Variants in SPIRE1 observed in about 807,000 individuals in gnomAD.
The protein encoded by SPIRE1 is spire type actin nucleation factor 1, also known as protein spire homolog 1.
Under a neutral mutation model 94.1 loss-of-function variants are expected in SPIRE1, and 40 were observed. The ratio of observed to expected loss-of-function variants is 0.43; its 90% CI spans 0.33 to 0.55. The LOEUF is 0.55. Ranked by LOEUF, SPIRE1 falls within the 20% of genes least tolerant of loss-of-function variation. SPIRE1 has a pLI of 0.06. For missense variants in SPIRE1, 838 were observed against 975.2 expected (o/e 0.86, Z 1.87); for synonymous variants, 376 against 371.7 (o/e 1.01, Z -0.13).
chr18:12,520,149 A>G (rs1024195519), intron 4 of SPIRE1, among the ~76,000 whole-genome samples: 2 of 152,214 alleles, frequency 1.3e-5, no homozygotes, highest in African/African-American at 4.8e-5. Context: ...ACATATAATT[A>G]AATAAAAAAG....
chr18:12,617,535 C>T (rs925663676), intron 2 of SPIRE1, among the ~76,000 whole-genome samples: 5 of 152,054 alleles, frequency 3.3e-5, no homozygotes, highest in Non-Finnish European at 5.9e-5. Context: ...CTCAGCCTCC[C>T]GAGTAGCTGG....
intron 11 of SPIRE1, 54 bp downstream of exon 11, chr18:12,464,814 G>C: frequency 2.7e-6 from 4 of 1,461,528 alleles, no homozygotes; most frequent in South Asian, 1.1e-5. Context: ...TCTAGGTCAA[G>C]TGTGTTTTGT....
At chr18:12,585,787 T>C (rs975785386) in intron 2 of SPIRE1, among the ~76,000 whole-genome samples, 1 of 152,204 alleles carries the variant, frequency 6.6e-6, no homozygotes, top group African/African-American at 2.4e-5. Flanking sequence ...AAAGAAAATA[T>C]GTAAATAATA....
intron 10 of SPIRE1, among the ~76,000 whole-genome samples, chr18:12,478,539 AG>A (rs375683172): frequency 0.022 from 2,520 of 113,682 alleles, 35 homozygotes; most frequent in Admixed American, 0.047. Context: ...GTGTGTAGCT[AG>A]GGTGTGTGTG....
At position 12,635,057 on chromosome 18, in the gene SPIRE1, CT is replaced by C; in HGVS notation, c.372+4del. The C allele has an allele frequency of 6.9e-7, 1 of 1,446,088 alleles. No homozygotes were observed. Among genetic ancestry groups the C allele is most frequent in the Non-Finnish European group, 9.5e-7 (1 of 1,054,482 alleles). 89.6% of individuals were successfully genotyped at this position (1,446,088 alleles called of 1,614,324 possible). On this transcript the variant is annotated splice_donor_region_variant and intron_variant, in intron 2 of 16. Coordinates refer to ENST00000409402, the MANE Select transcript of SPIRE1 (RefSeq NM_001128626.2). ...TACTAAGAAATATTTGAGTATTTCACTTACCTCTGTTTCCATACATTGTGAA... is the reference window on the plus strand; with the variant it reads ...TACTAAGAAATATTTGAGTATTTCACTACCTCTGTTTCCATACATTGTGAA...
intron 2 of SPIRE1, among the ~76,000 whole-genome samples, chr18:12,551,748 C>A (rs550748538): frequency 1.6e-4 from 24 of 151,700 alleles, no homozygotes; most frequent in African/African-American, 5.8e-4. Context: ...AGCAAGAGAG[C>A]TGAATAGACA....
At chr18:12,570,060 T>C (rs1413367792) in intron 2 of SPIRE1, among the ~76,000 whole-genome samples, 1 of 152,172 alleles carries the variant, frequency 6.6e-6, no homozygotes, top group Non-Finnish European at 1.5e-5. Flanking sequence ...CTAACACCAA[T>C]GCTTCATGCA....
intron 2 of SPIRE1, among the ~76,000 whole-genome samples, chr18:12,622,321 A>C (rs116196145): frequency 3.3e-5 from 5 of 152,332 alleles, no homozygotes; most frequent in Non-Finnish European, 7.3e-5. Context: ...AAAACAGCAG[A>C]TGAACAATAC....
intron 5 of SPIRE1, among the ~76,000 whole-genome samples, chr18:12,510,985 C>A (rs1940626443): frequency 6.6e-6 from 1 of 152,146 alleles, no homozygotes; most frequent in Non-Finnish European, 1.5e-5. Flanking sequence ...TGTAGATATT[C>A]ATGTGTCACA....
chr18:12,623,983 G>A (rs1422103064), intron 2 of SPIRE1, among the ~76,000 whole-genome samples: 1 of 150,572 alleles, frequency 6.6e-6, no homozygotes, highest in East Asian at 2.0e-4. Flanking sequence ...GTGCGCCCTG[G>A]AGTGGTCTCG....
At chr18:12,639,759 A>T (rs938473500) in intron 1 of SPIRE1, among the ~76,000 whole-genome samples, 14 of 150,252 alleles carry the variant, frequency 9.3e-5, no homozygotes, top group East Asian at 3.9e-4. Flanking sequence ...AAATAAAAAT[A>T]AAAAAAAGAA....
intron 1 of SPIRE1, among the ~76,000 whole-genome samples, chr18:12,639,708 G>T (rs928456529): frequency 4.6e-5 from 7 of 151,624 alleles, no homozygotes; most frequent in African/African-American, 1.5e-4. Context: ...TTCCAGCCTG[G>T]GCGCAAGAAT....
chr18:12,457,212 T>C (rs1227216819), intron 12 of SPIRE1, among the ~76,000 whole-genome samples: 2 of 152,216 alleles, frequency 1.3e-5, no homozygotes, highest in Non-Finnish European at 2.9e-5. Context: ...GATTACCCTT[T>C]AGTGAAATAA....
At chr18:12,577,417 G>C (rs1376736112) in intron 2 of SPIRE1, among the ~76,000 whole-genome samples, 1 of 152,062 alleles carries the variant, frequency 6.6e-6, no homozygotes, top group East Asian at 1.9e-4. Flanking sequence ...AAAGTGCTGT[G>C]ATTACAGGCA....
intron 4 of SPIRE1, among the ~76,000 whole-genome samples, chr18:12,528,268 G>A (rs887163084): frequency 6.6e-6 from 1 of 152,136 alleles, no homozygotes; most frequent in Admixed American, 6.5e-5. Flanking sequence ...TTGCCCTTAA[G>A]AAGTTCACAG....
At chr18:12,549,439 G>GTTTTTTTTTTTTTTTTTTTTTTTTTTTTT (rs869122444) in intron 2 of SPIRE1, among the ~76,000 whole-genome samples, 5 of 41,256 alleles carry the variant, frequency 1.2e-4, no homozygotes, top group Non-Finnish European at 1.5e-4. Context: ...TGTTATTGTT[G>GTTTTTTTTTTTTTTTTTTTTTTTTTTTTT]TTTTTTTTTT....
intron 11 of SPIRE1, 26 bp from the exon 12 acceptor site, chr18:12,463,519 A>T: frequency 6.3e-7 from 1 of 1,585,118 alleles, no homozygotes; most frequent in South Asian, 1.1e-5. Context: ...AATGAAATAA[A>T]ACTTACTGTG....
At chr18:12,635,885 G>GT (rs2037910155) in intron 1 of SPIRE1, among the ~76,000 whole-genome samples, 15 of 150,808 alleles carry the variant, frequency 9.9e-5, no homozygotes, top group African/African-American at 2.9e-4. Context: ...GGGTTTTTTT[G>GT]GTTTTTTTTG....
intron 8 of SPIRE1, among the ~76,000 whole-genome samples, chr18:12,492,821 T>A (rs2033284737): frequency 1.3e-5 from 2 of 152,148 alleles, no homozygotes. Context: ...CGGCACGATG[T>A]TCTCATATAG....
Sources: gnomAD v4.1 joint callset for allele counts (sites outside exome capture counted in the v4.1 genomes callset) on GRCh38, gnomAD v4.1.1 for gene constraint, MANE v1.5 for transcripts, NCBI Gene and HGNC (gene_info 2026-07-23, HGNC 2026-07-21) for gene names.